PPFIA2: variants seen among roughly 807,000 people sequenced by gnomAD.
The protein encoded by PPFIA2 is liprin-alpha-2.
Under a neutral mutation model 175.5 loss-of-function variants are expected in PPFIA2, and 46 were observed. The observed-to-expected ratio is 0.26, with a 90% CI of 0.21 to 0.34. The LOEUF is 0.34. Among genes scored for constraint, PPFIA2 ranks in the 10% least tolerant of loss-of-function variants. The pLI is 1.00. For missense variants in PPFIA2, 1,179 were observed against 1,506.1 expected (o/e 0.78, Z 3.60); for synonymous variants, 568 against 511.4 (o/e 1.11, Z -1.49).
chr12:81,722,063 A>C (rs554625910), intron 3 of PPFIA2, among the ~76,000 whole-genome samples: 1 of 151,154 alleles, frequency 6.6e-6, no homozygotes, highest in South Asian at 2.1e-4. Context: ...CAGGAAAAAA[A>C]AATCAGTGTT....
At chr12:81,369,477 C>T (rs544715496) in intron 11 of PPFIA2, 1 of 1,237,056 alleles carries the variant, frequency 8.1e-7, no homozygotes, top group South Asian at 1.6e-5. Context: ...ACAAACCTGC[C>T]ATTGTCCAAT....
At chr12:81,655,873 C>G (rs2067714705) in intron 4 of PPFIA2, among the ~76,000 whole-genome samples, 1 of 151,946 alleles carries the variant, frequency 6.6e-6, no homozygotes, top group South Asian at 2.1e-4. Flanking sequence ...AAATGTTCTA[C>G]CATGATTGAG....
At chr12:81,406,704 A>G (rs2042998642) in intron 7 of PPFIA2, among the ~76,000 whole-genome samples, 1 of 152,108 alleles carries the variant, frequency 6.6e-6, no homozygotes, top group Admixed American at 6.6e-5. Flanking sequence ...AATATTTTAC[A>G]TTATATTAAT....
intron 4 of PPFIA2, among the ~76,000 whole-genome samples, chr12:81,650,493 T>G (rs974634694): frequency 6.6e-6 from 1 of 152,110 alleles, no homozygotes; most frequent in Non-Finnish European, 1.5e-5. Flanking sequence ...CCCTAATGCA[T>G]AAGAGCAAAT....
chr12:81,630,165 C>A (rs544843934), intron 4 of PPFIA2, among the ~76,000 whole-genome samples: 1 of 152,270 alleles, frequency 6.6e-6, no homozygotes, highest in Non-Finnish European at 1.5e-5. Context: ...CTGGCTAACG[C>A]TATGATTTTA....
intron 4 of PPFIA2, among the ~76,000 whole-genome samples, chr12:81,567,172 C>A (rs1183152189): frequency 2.0e-5 from 3 of 152,128 alleles, no homozygotes; most frequent in African/African-American, 7.2e-5. Context: ...CTCGGCCTCC[C>A]GAGTAGCTGG....
chr12:81,513,214 T>G (rs1423595646), intron 4 of PPFIA2, among the ~76,000 whole-genome samples: 1 of 151,954 alleles, frequency 6.6e-6, no homozygotes, highest in Non-Finnish European at 1.5e-5. Context: ...AACTTATTCT[T>G]GCAGGGATGT....
chr12:81,535,640 C>A, intron 4 of PPFIA2: 1 of 335,840 alleles, frequency 3.0e-6, no homozygotes, highest in Non-Finnish European at 5.8e-6. Flanking sequence ...CAAACACACA[C>A]ATACACACAC....
intron 4 of PPFIA2, among the ~76,000 whole-genome samples, chr12:81,588,816 C>A (rs1284831205): frequency 6.6e-6 from 1 of 152,040 alleles, no homozygotes; most frequent in Non-Finnish European, 1.5e-5. Flanking sequence ...TCAGTAGCTG[C>A]TTTATTGGGC....
chr12:81,304,278 C>T (rs777275306), intron 22 of PPFIA2, among the ~76,000 whole-genome samples: 1 of 152,118 alleles, frequency 6.6e-6, no homozygotes, highest in African/African-American at 2.4e-5. Flanking sequence ...AGACTTTGTA[C>T]GCTCTGTGTC....
Position 81,630,602 on chromosome 12 carries a change from T to C in PPFIA2, c.303+46189A>G, listed in dbSNP as rs2063261174. ...ATATAATCAGCTTTTGGAAGCCTAA[T>C]AGTCTTGTCCTGATGACTCTGATAA... On this transcript the variant is annotated intron_variant, in intron 4 of 32. Coordinates refer to ENST00000549396, the MANE Select transcript of PPFIA2 (RefSeq NM_003625.5). Among the ~76,000 whole-genome samples, 3 of 152,142 alleles carry C rather than the reference T, an allele frequency of 2.0e-5. No individual in the cohort carries two copies. The South Asian group carries it at 6.2e-4, about 32-fold the overall frequency.
chr12:81,383,061 A>G (rs1020864721), intron 9 of PPFIA2, among the ~76,000 whole-genome samples: 1 of 152,124 alleles, frequency 6.6e-6, no homozygotes, highest in Middle Eastern at 3.2e-3. Context: ...CAGAAGACTG[A>G]GAATTGAACC....
At chr12:81,264,007 A>C (rs2036463310) in intron 30 of PPFIA2, among the ~76,000 whole-genome samples, 1 of 152,200 alleles carries the variant, frequency 6.6e-6, no homozygotes, top group Non-Finnish European at 1.5e-5. Flanking sequence ...CCTTTCAATA[A>C]GTACATGTGG....
intron 21 of PPFIA2, among the ~76,000 whole-genome samples, chr12:81,328,093 A>AT (rs1260967066): frequency 6.6e-6 from 1 of 152,120 alleles, no homozygotes; most frequent in Non-Finnish European, 1.5e-5. Context: ...GAGGGAGGAC[A>AT]TTTTTTCACA....
chr12:81,329,237 T>C (rs1161051062), intron 21 of PPFIA2, among the ~76,000 whole-genome samples: 1 of 152,164 alleles, frequency 6.6e-6, no homozygotes, highest in Non-Finnish European at 1.5e-5. Context: ...ACCCCTTTCA[T>C]GGCCTGAAGT....
intron 4 of PPFIA2, among the ~76,000 whole-genome samples, chr12:81,655,833 G>A (rs1028578510): frequency 6.6e-6 from 1 of 151,892 alleles, no homozygotes; most frequent in Admixed American, 6.6e-5. Context: ...TTATATTCTA[G>A]TCCAATCAGA....
At chr12:81,652,657 T>C (rs1410735882) in intron 4 of PPFIA2, among the ~76,000 whole-genome samples, 2 of 152,150 alleles carry the variant, frequency 1.3e-5, no homozygotes, top group Non-Finnish European at 2.9e-5. Flanking sequence ...TAGTGTCCTT[T>C]ACTGCACATT....
chr12:81,275,275 C>T (rs986512176), intron 28 of PPFIA2, among the ~76,000 whole-genome samples: 2 of 152,196 alleles, frequency 1.3e-5, no homozygotes, highest in African/African-American at 2.4e-5. Context: ...AATGGAAAAG[C>T]ACTTTCGTGC....
chr12:81,476,430 A>G (rs2057483259), intron 4 of PPFIA2, among the ~76,000 whole-genome samples: 1 of 152,208 alleles, frequency 6.6e-6, no homozygotes, highest in South Asian at 2.1e-4. Context: ...CATCCCTGAA[A>G]ATTTGTATTT....
Sources: gnomAD v4.1 joint callset for allele counts (sites outside exome capture counted in the v4.1 genomes callset) on GRCh38, gnomAD v4.1.1 for gene constraint, MANE v1.5 for transcripts, NCBI Gene and HGNC (gene_info 2026-07-23, HGNC 2026-07-21) for gene names.